PSD3: variants seen among roughly 807,000 people sequenced by gnomAD.
The protein encoded by PSD3 is pleckstrin and Sec7 domain containing 3, also known as PH and SEC7 domain-containing protein 3.
In PSD3, 49 loss-of-function variants were observed where a neutral mutation model predicts 105.5. That is an observed-to-expected ratio of 0.46 (90% CI 0.37 to 0.59). PSD3 has a LOEUF of 0.59. Ranked by LOEUF, PSD3 falls within the 20% of genes least tolerant of loss-of-function variation. The pLI is 0.00. For synonymous variants in PSD3, 557 were observed against 457.8 expected (o/e 1.22, Z -2.77); for missense variants, 1,561 against 1,263.8 (o/e 1.24, Z -3.57).
intron 1 of PSD3, among the ~76,000 whole-genome samples, chr8:19,003,995 T>A (rs370258193): frequency 6.6e-6 from 1 of 152,094 alleles, no homozygotes; most frequent in Admixed American, 6.5e-5. Flanking sequence ...TTAGGAAGAC[T>A]GCTCCTTCAG....
intron 10 of PSD3, among the ~76,000 whole-genome samples, chr8:18,640,689 T>C (rs1412231365): frequency 2.0e-5 from 3 of 152,186 alleles, no homozygotes; most frequent in South Asian, 2.1e-4. Flanking sequence ...CTTGGGCAGT[T>C]CTTTATAGCA....
At chr8:18,640,618 C>A (rs1227502814) in intron 10 of PSD3, among the ~76,000 whole-genome samples, 2 of 152,318 alleles carry the variant, frequency 1.3e-5, no homozygotes, top group East Asian at 1.9e-4. Flanking sequence ...TTTCCTGAGG[C>A]CTTCCCACCT....
intron 14 of PSD3, among the ~76,000 whole-genome samples, chr8:18,562,293 G>A (rs1243029634): frequency 6.6e-6 from 1 of 152,146 alleles, no homozygotes; most frequent in Non-Finnish European, 1.5e-5. Flanking sequence ...TACCCTCTTT[G>A]TCTTAGAGAA....
chr8:18,742,280 C>T (rs182607279), intron 9 of PSD3, among the ~76,000 whole-genome samples: 1 of 152,138 alleles, frequency 6.6e-6, no homozygotes, highest in Admixed American at 6.5e-5. Flanking sequence ...ACAAACCAAC[C>T]AACCAAGCAA....
intron 10 of PSD3, among the ~76,000 whole-genome samples, chr8:18,637,706 T>G (rs1043965027): frequency 1.9e-4 from 29 of 152,200 alleles, no homozygotes; most frequent in African/African-American, 6.8e-4. Flanking sequence ...TGTTTCTAGT[T>G]TCTATATTTT....
chr8:18,861,315 A>G (rs1289293557), intron 4 of PSD3, among the ~76,000 whole-genome samples: 1 of 151,958 alleles, frequency 6.6e-6, no homozygotes, highest in African/African-American at 2.4e-5. Context: ...AAGGACACAT[A>G]AGCAAAACCC....
intron 1 of PSD3, among the ~76,000 whole-genome samples, chr8:18,992,309 T>C (rs974898509): frequency 7.5e-6 from 1 of 133,188 alleles, no homozygotes. Context: ...TAGTGATACT[T>C]AAAAAAAAAA....
intron 14 of PSD3, among the ~76,000 whole-genome samples, chr8:18,565,330 T>C (rs762711809): frequency 6.6e-6 from 1 of 152,162 alleles, no homozygotes; most frequent in Non-Finnish European, 1.5e-5. Flanking sequence ...GAAGCAAAAC[T>C]TGTATTTTCA....
chr8:18,667,422 T>G (rs998352692), intron 9 of PSD3, among the ~76,000 whole-genome samples: 5 of 152,292 alleles, frequency 3.3e-5, no homozygotes, highest in Non-Finnish European at 7.4e-5. Flanking sequence ...GAGTGCCGAT[T>G]GGTGTATTCC....
rs376304101 is a variant in PSD3 at position 19,081,128 on chromosome 8, A to G, written c.324+3078T>C. 2.2e-4 allele frequency among the ~76,000 whole-genome samples: 33 copies of G among 152,304 alleles called. 1 individual carries two copies. The East Asian group carries it at 6.2e-3, about 29-fold the overall frequency. On this transcript the variant is annotated intron_variant, in intron 1 of 1. Transcript: ENST00000521475. ...AGGGCAGGCTCTGGTCCCGGCCCATAGAATATTCTCTGATTCACACTGACA... is the reference window on the plus strand; with the variant it reads ...AGGGCAGGCTCTGGTCCCGGCCCATGGAATATTCTCTGATTCACACTGACA...
At chr8:18,608,037 G>C (rs953397848) in intron 11 of PSD3, among the ~76,000 whole-genome samples, 3 of 152,118 alleles carry the variant, frequency 2.0e-5, no homozygotes, top group African/African-American at 7.2e-5. Context: ...CTACAATTCA[G>C]GATGAGATTT....
chr8:19,011,769 T>A (rs1826961392), intron 1 of PSD3, among the ~76,000 whole-genome samples: 1 of 147,636 alleles, frequency 6.8e-6, no homozygotes, highest in Non-Finnish European at 1.5e-5. Context: ...TGCTCGCATT[T>A]AAAAAAAAAA....
At chr8:18,637,590 T>C (rs867847483) in intron 10 of PSD3, among the ~76,000 whole-genome samples, 2 of 152,212 alleles carry the variant, frequency 1.3e-5, no homozygotes, top group Admixed American at 6.5e-5. Flanking sequence ...GATTCATCCA[T>C]ATTGTAATGT....
chr8:19,007,832 T>TTTTTTATTTTTATTTTTA (rs962826400), intron 1 of PSD3, among the ~76,000 whole-genome samples: 1 of 152,092 alleles, frequency 6.6e-6, no homozygotes, highest in Non-Finnish European at 1.5e-5. Flanking sequence ...TCAAGGGAGA[T>TTTTTTATTTTTATTTTTA]TTTTTATTTT....
intron 1 of PSD3, among the ~76,000 whole-genome samples, chr8:18,992,468 A>T (rs975226237): frequency 1.3e-5 from 2 of 152,180 alleles, no homozygotes; most frequent in Admixed American, 6.5e-5. Context: ...GAGCCACTAT[A>T]TCCTTTCTTA....
At chr8:18,823,746 T>C (rs1002682833) in intron 4 of PSD3, among the ~76,000 whole-genome samples, 1 of 150,418 alleles carries the variant, frequency 6.6e-6, no homozygotes, top group African/African-American at 2.4e-5. Flanking sequence ...CCTCTCTCCT[T>C]ACAATTACAC....
At chr8:18,980,438 G>GGGTT (rs755336279) in intron 1 of PSD3, among the ~76,000 whole-genome samples, 1 of 152,096 alleles carries the variant, frequency 6.6e-6, no homozygotes, top group Non-Finnish European at 1.5e-5. Flanking sequence ...GCACCTAGTT[G>GGGTT]GGTTGGTTGG....
At chr8:18,642,884 G>A (rs1807758490) in intron 10 of PSD3, among the ~76,000 whole-genome samples, 1 of 152,086 alleles carries the variant, frequency 6.6e-6, no homozygotes, top group Non-Finnish European at 1.5e-5. Flanking sequence ...GAACTGGGTG[G>A]CAAATCTTTC....
intron 1 of PSD3, among the ~76,000 whole-genome samples, chr8:19,008,834 C>T (rs889641652): frequency 6.6e-6 from 1 of 152,138 alleles, no homozygotes; most frequent in African/African-American, 2.4e-5. Context: ...TGAATGCCCT[C>T]GGCTCATTCC....
Sources: gnomAD v4.1 joint callset for allele counts (sites outside exome capture counted in the v4.1 genomes callset) on GRCh38, gnomAD v4.1.1 for gene constraint, MANE v1.5 for transcripts, NCBI Gene and HGNC (gene_info 2026-07-23, HGNC 2026-07-21) for gene names.